The following FER variants were observed in gnomAD, a reference collection of about 807,000 sequenced individuals.
FER encodes the protein tyrosine-protein kinase Fer.
Under a neutral mutation model 111.0 loss-of-function variants are expected in FER, and 63 were observed. That is an observed-to-expected ratio of 0.57 (90% CI 0.46 to 0.70). The LOEUF is 0.70. Among genes scored for constraint, FER ranks in the 30% least tolerant of loss-of-function variants. The pLI is 0.00. For synonymous variants in FER, 327 were observed against 313.9 expected (o/e 1.04, Z -0.44); for missense variants, 914 against 954.0 (o/e 0.96, Z 0.55).
intron 13 of FER, among the ~76,000 whole-genome samples, chr5:109,033,060 A>G (rs1030848320): frequency 1.3e-5 from 2 of 152,170 alleles, no homozygotes; most frequent in Non-Finnish European, 2.9e-5. Context: ...TGTCAACTCT[A>G]TTCATTCCTA....
At chr5:109,067,489 AT>A (rs1012552821) in intron 16 of FER, among the ~76,000 whole-genome samples, 7 of 150,938 alleles carry the variant, frequency 4.6e-5, no homozygotes, top group African/African-American at 1.7e-4. Context: ...ACATCTTTTT[AT>A]TTTTTATCAC....
intron 16 of FER, among the ~76,000 whole-genome samples, chr5:109,067,942 T>G (rs547232603): frequency 4.1e-4 from 62 of 152,110 alleles, no homozygotes; most frequent in Admixed American, 6.5e-4. Context: ...AGGAGATGAG[T>G]TTACAAATAG....
At chr5:108,934,290 A>G (rs980540383) in intron 10 of FER, among the ~76,000 whole-genome samples, 11 of 151,980 alleles carry the variant, frequency 7.2e-5, no homozygotes. Flanking sequence ...TCTGACCTTC[A>G]TTTTCTCATG....
At chr5:108,820,285 A>T in intron 3 of FER, 3 of 985,414 alleles carry the variant, frequency 3.0e-6, no homozygotes, top group Non-Finnish European at 2.4e-6. Flanking sequence ...ATAGGAAAAG[A>T]TCACAGGATG....
At chr5:108,909,254 G>A (rs1751216765) in intron 10 of FER, among the ~76,000 whole-genome samples, 1 of 152,118 alleles carries the variant, frequency 6.6e-6, no homozygotes, top group Non-Finnish European at 1.5e-5. Flanking sequence ...GGTACCAGAT[G>A]AATTTTAAAT....
intron 13 of FER, among the ~76,000 whole-genome samples, chr5:109,024,233 A>T (rs534528053): frequency 1.3e-5 from 2 of 152,290 alleles, no homozygotes; most frequent in South Asian, 4.1e-4. Context: ...GCTATTGAAG[A>T]GGATTCTGAT....
chr5:108,930,168 A>AT (rs1258591669), intron 10 of FER, among the ~76,000 whole-genome samples: 2 of 151,586 alleles, frequency 1.3e-5, no homozygotes, highest in African/African-American at 2.4e-5. Context: ...TTTGTTTTAC[A>AT]TTTTTTAACT....
chr5:108,936,165 G>A (rs1228740051), intron 10 of FER, among the ~76,000 whole-genome samples: 2 of 151,822 alleles, frequency 1.3e-5, no homozygotes, highest in Non-Finnish European at 2.9e-5. Flanking sequence ...AAAATACCTG[G>A]GGATTCATTG....
At chr5:108,797,553 T>C (rs1169231428) in intron 2 of FER, among the ~76,000 whole-genome samples, 5 of 152,174 alleles carry the variant, frequency 3.3e-5, no homozygotes, top group Non-Finnish European at 7.3e-5. Context: ...ACAATCACAG[T>C]GCTCTCTTTC....
chr5:108,979,081 A>T (rs1007693812), intron 13 of FER, among the ~76,000 whole-genome samples: 11 of 152,132 alleles, frequency 7.2e-5, no homozygotes, highest in Admixed American at 5.2e-4. Context: ...TTTTTTAGAT[A>T]TTTGGAGAGG....
At chr5:108,769,076 C>T (rs1210101080) in intron 2 of FER, among the ~76,000 whole-genome samples, 6 of 152,134 alleles carry the variant, frequency 3.9e-5, no homozygotes, top group Non-Finnish European at 8.8e-5. Flanking sequence ...ATCTTTCTGC[C>T]TCAGCCTCCT....
chr5:108,750,475 TAA>T (rs368436047), intron 1 of FER, among the ~76,000 whole-genome samples: 83 of 152,324 alleles, frequency 5.4e-4, no homozygotes, highest in African/African-American at 1.9e-3. Flanking sequence ...GGGAATATAT[TAA>T]GAGAGTACAT....
At chr5:108,836,027 G>A (rs1580790870) in intron 5 of FER, 2 of 247,830 alleles carry the variant, frequency 8.1e-6, no homozygotes, top group Admixed American at 5.6e-5. Flanking sequence ...CATACTAAAT[G>A]GAATTATGTA....
intron 11 of FER, among the ~76,000 whole-genome samples, chr5:108,953,943 T>C (rs1758092436): frequency 6.6e-6 from 1 of 152,084 alleles, no homozygotes; most frequent in Admixed American, 6.6e-5. Context: ...AAATGTGTGA[T>C]TTAATCTACT....
intron 10 of FER, among the ~76,000 whole-genome samples, chr5:108,906,188 G>A (rs1182611134): frequency 1.3e-5 from 2 of 152,194 alleles, no homozygotes; most frequent in Non-Finnish European, 2.9e-5. Context: ...ATGCAGAACA[G>A]TGCTTGTCAC....
chr5:108,803,986 T>A (rs1250490816), intron 3 of FER, among the ~76,000 whole-genome samples: 1 of 152,202 alleles, frequency 6.6e-6, no homozygotes, highest in Non-Finnish European at 1.5e-5. Flanking sequence ...TTCCATTTGT[T>A]TGTGTCATCT....
At chr5:109,022,762 C>G (rs1768102217) in intron 13 of FER, among the ~76,000 whole-genome samples, 1 of 152,026 alleles carries the variant, frequency 6.6e-6, no homozygotes, top group African/African-American at 2.4e-5. Context: ...GGTATTCCAG[C>G]TAGGGTAACT....
At chr5:108,953,841 G>A (rs1009659210) in intron 11 of FER, among the ~76,000 whole-genome samples, 4 of 151,928 alleles carry the variant, frequency 2.6e-5, no homozygotes, top group East Asian at 3.9e-4. Context: ...TACCTTAACC[G>A]CAAAGTACTC....
chr5:108,872,038 A>T, intron 7 of FER, 55 bp from the exon 8 acceptor site: 1 of 1,532,440 alleles, frequency 6.5e-7, no homozygotes, highest in Non-Finnish European at 8.8e-7. Context: ...GTATATGAAG[A>T]TATATTATGA....
Sources: gnomAD v4.1 joint callset for allele counts (sites outside exome capture counted in the v4.1 genomes callset) on GRCh38, gnomAD v4.1.1 for gene constraint, MANE v1.5 for transcripts, NCBI Gene and HGNC (gene_info 2026-07-23, HGNC 2026-07-21) for gene names.